The following VAV3 variants were observed in gnomAD, a reference collection of about 807,000 sequenced individuals.
The protein encoded by VAV3 is guanine nucleotide exchange factor VAV3.
VAV3 carries 94 observed loss-of-function variants against 131.2 expected under a neutral mutation model. The ratio of observed to expected loss-of-function variants is 0.72; its 90% CI spans 0.61 to 0.85. The LOEUF (loss-of-function observed/expected upper bound fraction) is 0.85, where lower values mean the gene tolerates loss of function less well. Among genes scored for constraint, VAV3 ranks in the 40% least tolerant of loss-of-function variants. The pLI is 0.00. For synonymous variants in VAV3, 349 were observed against 342.0 expected (o/e 1.02, Z -0.22); for missense variants, 939 against 1,002.7 (o/e 0.94, Z 0.86).
intron 26 of VAV3, among the ~76,000 whole-genome samples, chr1:107,573,809 GC>G (rs1465164240): frequency 2.0e-5 from 3 of 152,154 alleles, no homozygotes; most frequent in Non-Finnish European, 4.4e-5. Context: ...TTTCCAAGCA[GC>G]AAGCTGTCCC....
intron 2 of VAV3, among the ~76,000 whole-genome samples, chr1:107,874,502 G>A (rs1323078254): frequency 6.6e-6 from 1 of 152,120 alleles, no homozygotes; most frequent in Non-Finnish European, 1.5e-5. Flanking sequence ...CAGATATAGA[G>A]AAGACTGGAG....
intron 19 of VAV3, among the ~76,000 whole-genome samples, chr1:107,679,724 G>A (rs1305060794): frequency 6.6e-6 from 1 of 152,134 alleles, no homozygotes; most frequent in Non-Finnish European, 1.5e-5. Flanking sequence ...CACTTTAGGT[G>A]AAAAATATTA....
At chr1:107,851,416 C>CAAAAAAAAAAAAAAAA (rs1669227873) in intron 2 of VAV3, among the ~76,000 whole-genome samples, 1 of 137,456 alleles carries the variant, frequency 7.3e-6, no homozygotes, top group African/African-American at 2.7e-5. Context: ...AAAAAAAAAG[C>CAAAAAAAAAAAAAAAA]AAATTTTTGT....
chr1:107,693,137 T>C (rs1320687289), intron 17 of VAV3, among the ~76,000 whole-genome samples: 3 of 152,130 alleles, frequency 2.0e-5, no homozygotes, highest in African/African-American at 7.2e-5. Context: ...TTCATACCTA[T>C]TCATTATTAA....
intron 17 of VAV3, among the ~76,000 whole-genome samples, chr1:107,699,549 C>T (rs1175620711): frequency 6.6e-6 from 1 of 152,224 alleles, no homozygotes; most frequent in Non-Finnish European, 1.5e-5. Context: ...TCTCACAGCT[C>T]CACTAGGCAG....
At chr1:107,927,633 G>C (rs917416028) in intron 1 of VAV3, among the ~76,000 whole-genome samples, 1 of 152,068 alleles carries the variant, frequency 6.6e-6, no homozygotes, top group African/African-American at 2.4e-5. Context: ...AAACATTGGT[G>C]GTAGTCCCGT....
chr1:107,841,803 C>G (rs371970571), intron 2 of VAV3, among the ~76,000 whole-genome samples: 31 of 152,042 alleles, frequency 2.0e-4, no homozygotes, highest in African/African-American at 7.5e-4. Context: ...TAAATACAAA[C>G]TGGGTTTGGA....
At chr1:107,907,661 TCTCTCTCTCTCTCACACACACACGCG>T (rs1299158168) in intron 1 of VAV3, among the ~76,000 whole-genome samples, 1 of 150,944 alleles carries the variant, frequency 6.6e-6, no homozygotes, top group Non-Finnish European at 1.5e-5. Flanking sequence ...GTGCGTGCGT[TCTCTCTCTCTCTCACACACACACGCG>T]CTCTCTCTCT....
At chr1:107,901,809 A>G (rs11185210) in intron 1 of VAV3, among the ~76,000 whole-genome samples, 38,288 of 151,984 alleles carry the variant, frequency 0.25, 4,848 homozygotes, top group African/African-American at 0.28. Flanking sequence ...TTGGGAGGCC[A>G]AGGCGGGTGG....
intron 25 of VAV3, among the ~76,000 whole-genome samples, chr1:107,588,437 T>G (rs937341588): frequency 6.6e-6 from 1 of 152,234 alleles, no homozygotes; most frequent in South Asian, 2.1e-4. Context: ...GAGGCTAATG[T>G]AACACTTCAC....
At chr1:107,931,181 T>G (rs1163050837) in intron 1 of VAV3, among the ~76,000 whole-genome samples, 3 of 152,160 alleles carry the variant, frequency 2.0e-5, no homozygotes, top group Non-Finnish European at 4.4e-5. Flanking sequence ...GAATACGGAC[T>G]GTATGTTAGA....
At chr1:107,718,205 A>C (rs1486456249) in intron 15 of VAV3, among the ~76,000 whole-genome samples, 1 of 152,176 alleles carries the variant, frequency 6.6e-6, no homozygotes, top group Non-Finnish European at 1.5e-5. Flanking sequence ...AGTTCTGGCC[A>C]GGGCAATCAA....
intron 15 of VAV3, among the ~76,000 whole-genome samples, chr1:107,742,586 C>T (rs1196897219): frequency 6.6e-6 from 1 of 152,194 alleles, no homozygotes; most frequent in African/African-American, 2.4e-5. Flanking sequence ...TCTCAGATGC[C>T]ATAGCTATCC....
intron 1 of VAV3, among the ~76,000 whole-genome samples, chr1:107,922,029 A>C (rs1186768175): frequency 6.6e-6 from 1 of 152,186 alleles, no homozygotes; most frequent in Non-Finnish European, 1.5e-5. Context: ...TCTTCTGAGG[A>C]AGATTCAGTG....
At chr1:107,883,090 G>A (rs1265979841) in intron 1 of VAV3, among the ~76,000 whole-genome samples, 1 of 152,200 alleles carries the variant, frequency 6.6e-6, no homozygotes, top group South Asian at 2.1e-4. Context: ...AATTTTTTAA[G>A]TCATTCGTTC....
At chr1:107,630,985 G>A (rs1654425350) in intron 20 of VAV3, among the ~76,000 whole-genome samples, 1 of 152,054 alleles carries the variant, frequency 6.6e-6, no homozygotes, top group African/African-American at 2.4e-5. Context: ...ATTTAATCAT[G>A]ACAGCCTTGA....
At chr1:107,611,808 G>A (rs1337383065) in intron 21 of VAV3, among the ~76,000 whole-genome samples, 1 of 152,130 alleles carries the variant, frequency 6.6e-6, no homozygotes, top group African/African-American at 2.4e-5. Context: ...TTCAGTGGGT[G>A]CATTCTGACA....
intron 2 of VAV3, among the ~76,000 whole-genome samples, chr1:107,801,271 T>G (rs1402993909): frequency 6.6e-6 from 1 of 152,168 alleles, no homozygotes; most frequent in African/African-American, 2.4e-5. Context: ...TAGTTGTTGC[T>G]CAGAATTGCT....
intron 3 of VAV3, 107 bp downstream of exon 3, chr1:107,779,327 T>G: frequency 4.7e-5 from 45 of 963,548 alleles, no homozygotes; most frequent in Non-Finnish European, 6.3e-5. Flanking sequence ...TCTTCATGAA[T>G]GAGACATAGT....
Sources: allele counts gnomAD v4.1 joint callset (sites outside exome capture counted in the v4.1 genomes callset), GRCh38; gene constraint gnomAD v4.1.1; transcripts MANE v1.5; gene names NCBI Gene and HGNC (gene_info 2026-07-23, HGNC 2026-07-21).